The following BCAS1 variants were observed in gnomAD, a reference collection of about 807,000 sequenced individuals.
BCAS1 encodes breast carcinoma-amplified sequence 1.
A neutral mutation model predicts 65.4 loss-of-function variants in BCAS1; 46 were observed. The ratio of observed to expected loss-of-function variants is 0.70; its 90% CI spans 0.55 to 0.90. The LOEUF (loss-of-function observed/expected upper bound fraction) is 0.90. Ranked by LOEUF, BCAS1 falls within the 40% of genes least tolerant of loss-of-function variation. The probability of loss-of-function intolerance (pLI) is 0.00; values close to 1 mark genes in which losing one functional copy is unlikely to be tolerated. For synonymous variants in BCAS1, 298 were observed against 293.5 expected, an observed-to-expected ratio of 1.02 and a Z score of -0.16; for missense variants, 793 against 771.2, an observed-to-expected ratio of 1.03 and a Z score of -0.33.
At chr20:54,008,361 C>T (rs78876468) in intron 4 of BCAS1, among the ~76,000 whole-genome samples, 1,948 of 152,324 alleles carry the variant, frequency 0.013, 43 homozygotes, top group African/African-American at 0.044. Flanking sequence ...CACCCAGGAG[C>T]AATGAGATGC....
At chr20:54,007,301 T>A (rs117452428) in intron 4 of BCAS1, among the ~76,000 whole-genome samples, 1 of 152,202 alleles carries the variant, frequency 6.6e-6, no homozygotes, top group Admixed American at 6.5e-5. Context: ...CAAAATGGAA[T>A]ACAGTGATGT....
intron 8 of BCAS1, 59 bp from the exon 9 acceptor site, chr20:53,975,489 C>G: frequency 6.8e-7 from 1 of 1,467,342 alleles, no homozygotes; most frequent in Non-Finnish European, 9.5e-7. Flanking sequence ...AAAATTGTTA[C>G]ATAAAAGCAA....
intron 9 of BCAS1, among the ~76,000 whole-genome samples, chr20:53,968,420 A>G (rs187642826): frequency 6.6e-6 from 1 of 152,296 alleles, no homozygotes; most frequent in African/African-American, 2.4e-5. Flanking sequence ...ATTTCCAAAA[A>G]TATCGTCTGC....
chr20:53,970,270 A>C (rs1160712498), intron 9 of BCAS1, among the ~76,000 whole-genome samples: 1 of 152,142 alleles, frequency 6.6e-6, no homozygotes, highest in African/African-American at 2.4e-5. Flanking sequence ...CCAGAACACA[A>C]CTATTGCAGT....
At chr20:54,028,365 C>A in intron 4 of BCAS1, 27 bp downstream of exon 4, 1 of 1,613,306 alleles carries the variant, frequency 6.2e-7, no homozygotes, top group South Asian at 1.1e-5. Context: ...CATTCAGAAC[C>A]AAGTGGATAC....
At chr20:54,023,464 G>A (rs1448640151) in intron 4 of BCAS1, among the ~76,000 whole-genome samples, 1 of 152,218 alleles carries the variant, frequency 6.6e-6, no homozygotes, top group African/African-American at 2.4e-5. Flanking sequence ...TTTAATCACA[G>A]AATTTGACTT....
intron 3 of BCAS1, among the ~76,000 whole-genome samples, chr20:54,043,335 GA>G (rs1763440316): frequency 1.4e-5 from 2 of 143,726 alleles, no homozygotes; most frequent in African/African-American, 2.6e-5. Flanking sequence ...TGATGACGAT[GA>G]TTTTTTTTAT....
At chr20:54,056,879 A>G (rs2092304749) in intron 3 of BCAS1, among the ~76,000 whole-genome samples, 1 of 152,196 alleles carries the variant, frequency 6.6e-6, no homozygotes, top group African/African-American at 2.4e-5. Context: ...CAGGCACTGT[A>G]ATATGTGCTT....
chr20:54,051,439 A>G (rs556557081), intron 3 of BCAS1, among the ~76,000 whole-genome samples: 1 of 152,302 alleles, frequency 6.6e-6, no homozygotes, highest in African/African-American at 2.4e-5. Flanking sequence ...GAGGTACCAG[A>G]TGACAGTCTC....
chr20:54,002,321 C>T (rs561950446), intron 4 of BCAS1, among the ~76,000 whole-genome samples: 1 of 152,336 alleles, frequency 6.6e-6, no homozygotes, highest in South Asian at 2.1e-4. Context: ...TGTCCCGTCT[C>T]TCAGAGAACA....
chr20:54,009,822 A>C (rs1405342674), intron 4 of BCAS1, among the ~76,000 whole-genome samples: 1 of 152,210 alleles, frequency 6.6e-6, no homozygotes, highest in African/African-American at 2.4e-5. Flanking sequence ...AGATGCAAAC[A>C]TTCTTTACAA....
intron 11 of BCAS1, among the ~76,000 whole-genome samples, chr20:53,954,924 G>C (rs2089654502): frequency 6.6e-6 from 1 of 152,204 alleles, no homozygotes; most frequent in Non-Finnish European, 1.5e-5. Context: ...GTTGTTTCAA[G>C]ACAACCTTGA....
chr20:54,035,067 T>C (rs1262048691), intron 3 of BCAS1, among the ~76,000 whole-genome samples: 1 of 151,230 alleles, frequency 6.6e-6, no homozygotes, highest in Non-Finnish European at 1.5e-5. Flanking sequence ...AGTGCTGGGA[T>C]AACCGGCTAG....
intron 12 of BCAS1, among the ~76,000 whole-genome samples, chr20:53,953,078 T>A (rs1216368145): frequency 1.3e-5 from 2 of 152,228 alleles, no homozygotes; most frequent in African/African-American, 4.8e-5. Flanking sequence ...ATGATGTTGA[T>A]GGTGATGATG....
chr20:53,986,893 A>T (rs960499570), intron 7 of BCAS1, among the ~76,000 whole-genome samples: 2 of 152,194 alleles, frequency 1.3e-5, no homozygotes, highest in Non-Finnish European at 2.9e-5. Context: ...CCATCTCAAA[A>T]AAAATATAGA....
chr20:53,981,650 A>C (rs2090484268), intron 8 of BCAS1, among the ~76,000 whole-genome samples: 1 of 151,990 alleles, frequency 6.6e-6, no homozygotes, highest in African/African-American at 2.4e-5. Context: ...GCTCCACTAA[A>C]ATTTAAACAG....
intron 4 of BCAS1, among the ~76,000 whole-genome samples, chr20:54,024,065 G>A (rs183263133): frequency 3.2e-4 from 48 of 152,320 alleles, no homozygotes; most frequent in Admixed American, 2.9e-3. Context: ...CTAAAAGTGT[G>A]AACAATGTGA....
At chr20:53,971,254 C>A (rs2090172278) in intron 9 of BCAS1, among the ~76,000 whole-genome samples, 2 of 152,204 alleles carry the variant, frequency 1.3e-5, no homozygotes, top group Non-Finnish European at 2.9e-5. Flanking sequence ...GGATCCGTTG[C>A]ATGATTCACC....
chr20:54,031,418 C>T (rs1008040362), intron 3 of BCAS1, among the ~76,000 whole-genome samples: 16 of 151,316 alleles, frequency 1.1e-4, no homozygotes, highest in African/African-American at 3.9e-4. Context: ...TTCCATGCAA[C>T]TGAAGCTCTG....
Sources: allele counts gnomAD v4.1 joint callset (sites outside exome capture counted in the v4.1 genomes callset), GRCh38; gene constraint gnomAD v4.1.1; transcripts MANE v1.5; gene names NCBI Gene and HGNC (gene_info 2026-07-23, HGNC 2026-07-21).